Variants in TUBGCP3 observed in about 807,000 individuals in gnomAD.
TUBGCP3 encodes tubulin gamma complex component 3.
TUBGCP3 carries 50 observed loss-of-function variants against 123.1 expected under a neutral mutation model. The ratio of observed to expected loss-of-function variants is 0.41; its 90% CI spans 0.32 to 0.51. The LOEUF (loss-of-function observed/expected upper bound fraction) is 0.51. Ranked by LOEUF, TUBGCP3 falls within the 20% of genes least tolerant of loss-of-function variation. The probability of loss-of-function intolerance (pLI) is 0.36; values close to 1 mark genes in which losing one functional copy is unlikely to be tolerated. For missense variants in TUBGCP3, 882 were observed against 1,127.0 expected, an observed-to-expected ratio of 0.78 and a Z score of 3.11; for synonymous variants, 405 against 413.9, an observed-to-expected ratio of 0.98 and a Z score of 0.26.
chr13:112,599,264 C>T, the TUBGCP3 span, among the ~76,000 whole-genome samples: 2 of 152,012 alleles, frequency 1.3e-5, no homozygotes, highest in Admixed American at 6.6e-5. Flanking sequence ...TTTTCTTTTT[C>T]TTTCCATACT....
chr13:112,518,402 A>G (rs528311338), intron 16 of TUBGCP3, among the ~76,000 whole-genome samples: 1 of 152,358 alleles, frequency 6.6e-6, no homozygotes, highest in East Asian at 1.9e-4. Flanking sequence ...TTTAGAGGGT[A>G]TCTTGGTCAA....
intron 1 of TUBGCP3, among the ~76,000 whole-genome samples, chr13:112,572,068 C>A (rs1025795054): frequency 6.6e-6 from 1 of 152,300 alleles, no homozygotes. Context: ...CTTGTGTTCA[C>A]TGGAATAGCA....
intron 17 of TUBGCP3, 147 bp downstream of exon 17, chr13:112,516,293 T>A: frequency 1.2e-6 from 1 of 865,738 alleles, no homozygotes. Context: ...AAATGTGATT[T>A]TAAAAGAAAG....
At chr13:112,566,690 T>A (rs1012698777) in intron 2 of TUBGCP3, among the ~76,000 whole-genome samples, 1 of 152,236 alleles carries the variant, frequency 6.6e-6, no homozygotes, top group Non-Finnish European at 1.5e-5. Context: ...TTCTATAGAA[T>A]GAGATTGGCA....
chr13:112,593,950 T>C, the TUBGCP3 span, among the ~76,000 whole-genome samples: 1 of 152,128 alleles, frequency 6.6e-6, no homozygotes, highest in Non-Finnish European at 1.5e-5. Flanking sequence ...ATGGACAAAT[T>C]CCTAAAGAGA....
At chr13:112,534,239 A>G (rs574055122) in intron 11 of TUBGCP3, among the ~76,000 whole-genome samples, 5 of 152,336 alleles carry the variant, frequency 3.3e-5, no homozygotes, top group Non-Finnish European at 7.4e-5. Context: ...CCTCATGCCC[A>G]TATCAATCCA....
chr13:112,578,631 C>T (rs1882043665), intron 1 of TUBGCP3, among the ~76,000 whole-genome samples: 1 of 143,212 alleles, frequency 7.0e-6, no homozygotes. Flanking sequence ...GATGCTAAAT[C>T]ATCACACCTG....
chr13:112,561,799 G>T (rs118000447), intron 3 of TUBGCP3, among the ~76,000 whole-genome samples: 6,665 of 152,252 alleles, frequency 0.044, 192 homozygotes, highest in Non-Finnish European at 0.069. Context: ...AAACCGCTAG[G>T]TTAAAAATCT....
At chr13:112,504,213 T>G (rs759500979) in intron 18 of TUBGCP3, 50 bp from the exon 19 acceptor site, 5 of 1,611,650 alleles carry the variant, frequency 3.1e-6, no homozygotes, top group South Asian at 1.1e-5. Flanking sequence ...TCCTTCCTAG[T>G]GTAGCATCAC....
At chr13:112,553,378 A>G (rs183000975) in intron 8 of TUBGCP3, among the ~76,000 whole-genome samples, 3 of 152,362 alleles carry the variant, frequency 2.0e-5, no homozygotes, top group African/African-American at 7.2e-5. Flanking sequence ...CTGTGATTCA[A>G]TAATTTTTGG....
At position 112,560,613 on chromosome 13, in the gene TUBGCP3, T is replaced by C. The variant is rs531053832; in HGVS notation, c.253-1214A>G. ...TATTCAGACAGCCTTACCTTTTGCATGCACATGTAAGTACCTTTATTTACA... is the reference window on the plus strand; with the variant it reads ...TATTCAGACAGCCTTACCTTTTGCACGCACATGTAAGTACCTTTATTTACA... On this transcript the variant is annotated intron_variant, in intron 3 of 21. Transcript: ENST00000261965. 3.5e-4 allele frequency among the ~76,000 whole-genome samples: 53 copies of C among 152,354 alleles called. 1 individual carries two copies. The highest frequency in any genetic ancestry group is 2.9e-3 in the Admixed American group (45 of 15,308).
At chr13:112,517,285 T>C (rs986263437) in intron 16 of TUBGCP3, among the ~76,000 whole-genome samples, 20 of 152,098 alleles carry the variant, frequency 1.3e-4, no homozygotes, top group Non-Finnish European at 2.1e-4. Context: ...AATAAATCTA[T>C]GATATAAACT....
the TUBGCP3 span, among the ~76,000 whole-genome samples, chr13:112,593,266 A>G: frequency 6.6e-6 from 1 of 152,054 alleles, no homozygotes; most frequent in African/African-American, 2.4e-5. Flanking sequence ...AAAAATACAA[A>G]AATTAGCTGG....
In TUBGCP3 at chr13:112,524,935, C is replaced by T. The variant is rs1264137070; in HGVS notation, c.1555+2007G>A. 6.6e-6 allele frequency among the ~76,000 whole-genome samples: 1 copy of T among 152,148 alleles called. No homozygotes were observed. Among genetic ancestry groups the T allele is most frequent in the East Asian group, 1.9e-4 (1 of 5,184 alleles). On this transcript the variant is annotated intron_variant, in intron 13 of 21. Coordinates refer to ENST00000261965, the MANE Select transcript of TUBGCP3 (RefSeq NM_006322.6). This position sits in a 1 kb window ranked among gnomAD's most constrained non-coding sequence, Gnocchi z 4.4. ...TTCCTCTCTCAGTGCTATGCTCTCC[C>T]GAAATCCCCTGCTGCCCTTCCGACT...
rs956868671 is a variant in TUBGCP3 at position 112,519,371 on chromosome 13, A to G, written c.1882-328T>C. ...TTTTTATTCCAAGATGACTCTTGCA[A>G]TATTTTAAGAAAACCAACCGTTCTG... On this transcript the variant is annotated intron_variant, in intron 15 of 21. Coordinates refer to ENST00000261965, the MANE Select transcript of TUBGCP3 (RefSeq NM_006322.6). The surrounding 1 kb of genome is among the most constrained non-coding windows in gnomAD (Gnocchi z 6.2). Among the ~76,000 whole-genome samples the G allele has an allele frequency of 1.3e-5, 2 of 152,234 alleles. No homozygotes were observed. Among genetic ancestry groups the G allele is most frequent in the Non-Finnish European group, 2.9e-5 (2 of 68,038 alleles).
intron 13 of TUBGCP3, among the ~76,000 whole-genome samples, chr13:112,526,257 T>A (rs1352053844): frequency 6.9e-6 from 1 of 144,424 alleles, no homozygotes; most frequent in Non-Finnish European, 1.5e-5. Context: ...CATTACACCA[T>A]CACCATCATC....
At chr13:112,602,269 GA>G in the TUBGCP3 span, among the ~76,000 whole-genome samples, 1 of 152,246 alleles carries the variant, frequency 6.6e-6, no homozygotes, top group Non-Finnish European at 1.5e-5. Flanking sequence ...CATCAAGGGA[GA>G]AATCTGATAA....
At position 112,545,963 on chromosome 13, in the gene TUBGCP3, G is replaced by C. The variant is rs1179069868; in HGVS notation, c.1169-98C>G. ...CAACCAAAGACGCCCAAGTAATTGAGATAAAGAGCATTTGTTTTCTTACAG... is the reference window on the plus strand; with the variant it reads ...CAACCAAAGACGCCCAAGTAATTGACATAAAGAGCATTTGTTTTCTTACAG... On this transcript the variant is annotated intron_variant, in intron 10 of 21. Coordinates refer to ENST00000261965, the MANE Select transcript of TUBGCP3 (RefSeq NM_006322.6). This position sits in a 1 kb window ranked among gnomAD's most constrained non-coding sequence, Gnocchi z 4.1. The C allele has an allele frequency of 7.4e-7, 1 of 1,358,326 alleles. No individual in the cohort carries two copies. Among genetic ancestry groups the C allele is most frequent in the African/African-American group, 1.4e-5 (1 of 69,276 alleles). The allele number at this position is 1,358,326 out of a possible 1,614,324, so 84.1% of individuals were successfully genotyped here.
In TUBGCP3 at chr13:112,499,182, G is replaced by A. The variant is rs760177779; in HGVS notation, c.2311C>T (p.Leu771Phe). Residue 771 changes from leucine to phenylalanine, a missense_variant, in exon 20 of 22, where the codon CTT becomes TTT. This residue lies in a region of TUBGCP3 where 160 missense variants were observed against 220.3 expected (regional missense o/e 0.73). Coordinates refer to ENST00000261965, the MANE Select transcript of TUBGCP3 (RefSeq NM_006322.6). ...RCLLDSDSRA[L>F]LNQLRAVFDQ... is the part of the protein sequence containing the mutation. ...AACACAGCTCTAAGTTGATTTAAAA[G>A]TGCCTGAAAGAGATGACAATGTTTT... 4 of 1,601,846 alleles carry A rather than the reference G, an allele frequency of 2.5e-6. No individual in the cohort carries two copies. The highest frequency in any genetic ancestry group is 3.4e-6 in the Non-Finnish European group (4 of 1,175,596).
Sources: allele counts gnomAD v4.1 joint callset (sites outside exome capture counted in the v4.1 genomes callset), GRCh38; gene constraint gnomAD v4.1.1; regional missense constraint gnomAD v4.1.1; non-coding constraint Gnocchi (gnomAD v3.1); transcripts MANE v1.5; gene names NCBI Gene and HGNC (gene_info 2026-07-23, HGNC 2026-07-21).